The following CTNNA3 variants were observed in gnomAD, a reference collection of about 807,000 sequenced individuals.
The protein encoded by CTNNA3 is catenin alpha-3.
CTNNA3 carries 76 observed loss-of-function variants against 95.7 expected under a neutral mutation model. The observed-to-expected ratio is 0.79, with a 90% CI of 0.66 to 0.96. CTNNA3 has a LOEUF of 0.96. Among genes scored for constraint, CTNNA3 ranks in the 40% least tolerant of loss-of-function variants. The pLI, the probability that CTNNA3 is intolerant of heterozygous loss-of-function variation, is 0.00. For missense variants in CTNNA3, 1,191 were observed against 1,089.8 expected, an observed-to-expected ratio of 1.09 and a Z score of -1.31; for synonymous variants, 431 against 374.4, an observed-to-expected ratio of 1.15 and a Z score of -1.74.
chr10:66,622,929 CACATATA>C (rs1229367990), intron 9 of CTNNA3, among the ~76,000 whole-genome samples: 1 of 152,020 alleles, frequency 6.6e-6, no homozygotes, highest in African/African-American at 2.4e-5. Context: ...GGTTTTCATT[CACATATA>C]ATGAAATAAC....
At position 66,556,057 on chromosome 10, in the gene CTNNA3, C is replaced by T. The variant is rs374080351; in HGVS notation, c.1375-35284G>A. ...AAACAAAAGCAAAAGCATAAGCAAC[C>T]AAATAGACATTTTCCCAAAAAGGCA... On this transcript the variant is annotated intron_variant, in intron 10 of 17. Coordinates refer to ENST00000433211, the MANE Select transcript of CTNNA3 (RefSeq NM_013266.4). Among the ~76,000 whole-genome samples the T allele has an allele frequency of 5.3e-5, 8 of 151,930 alleles. No homozygotes were observed. The East Asian group carries it at 1.2e-3, about 22-fold the overall frequency.
chr10:67,587,551 T>C (rs1842674188), intron 3 of CTNNA3, among the ~76,000 whole-genome samples: 1 of 152,188 alleles, frequency 6.6e-6, no homozygotes, highest in Non-Finnish European at 1.5e-5. Context: ...CTTTTCTGGC[T>C]TGTAAAGTTT....
intron 13 of CTNNA3, among the ~76,000 whole-genome samples, chr10:66,113,979 G>C (rs2082216665): frequency 6.6e-6 from 1 of 151,944 alleles, no homozygotes. Context: ...GTAGTGGGGG[G>C]AATGCTAAAA....
At chr10:66,263,854 T>A (rs2132108956) in intron 13 of CTNNA3, among the ~76,000 whole-genome samples, 1 of 152,092 alleles carries the variant, frequency 6.6e-6, no homozygotes, top group South Asian at 2.1e-4. Context: ...ACATATTTTC[T>A]TGTTATCTTT....
At chr10:67,081,398 G>A (rs1424518418) in intron 7 of CTNNA3, among the ~76,000 whole-genome samples, 2 of 152,112 alleles carry the variant, frequency 1.3e-5, no homozygotes, top group Admixed American at 6.5e-5. Context: ...TACTATTTCA[G>A]GAAACACAAA....
At chr10:67,661,717 CA>C (rs996546399) in intron 1 of CTNNA3, among the ~76,000 whole-genome samples, 5 of 145,978 alleles carry the variant, frequency 3.4e-5, no homozygotes, top group Admixed American at 6.8e-5. Context: ...TTTAAATGGG[CA>C]AAAAAAAAAT....
intron 11 of CTNNA3, among the ~76,000 whole-genome samples, chr10:66,410,777 C>T (rs1018732252): frequency 2.6e-5 from 4 of 152,142 alleles, no homozygotes; most frequent in Non-Finnish European, 4.4e-5. Flanking sequence ...GCTCCATCTG[C>T]CAGAGATGTA....
intron 15 of CTNNA3, among the ~76,000 whole-genome samples, chr10:66,029,009 A>G (rs982746576): frequency 1.3e-5 from 2 of 152,154 alleles, no homozygotes; most frequent in Non-Finnish European, 1.5e-5. Context: ...ACTTTTGAGA[A>G]AAAAAGCTAA....
chr10:67,682,326 C>CAA (rs535935296), intron 1 of CTNNA3, among the ~76,000 whole-genome samples: 7,765 of 116,528 alleles, frequency 0.067, 354 homozygotes, highest in African/African-American at 0.16. Flanking sequence ...GACTCTATCT[C>CAA]AAAAAAAAAA....
At chr10:67,181,843 TA>T (rs1175056144) in intron 6 of CTNNA3, among the ~76,000 whole-genome samples, 1 of 151,364 alleles carries the variant, frequency 6.6e-6, no homozygotes, top group African/African-American at 2.4e-5. Context: ...ACATTTTTTT[TA>T]AAAAAACAGC....
At chr10:66,456,545 A>G (rs1335128218) in intron 11 of CTNNA3, among the ~76,000 whole-genome samples, 1 of 152,028 alleles carries the variant, frequency 6.6e-6, no homozygotes, top group African/African-American at 2.4e-5. Context: ...GCATAGTGGC[A>G]CATGACTGTA....
intron 7 of CTNNA3, among the ~76,000 whole-genome samples, chr10:67,062,707 C>A (rs372504326): frequency 2.0e-5 from 3 of 152,294 alleles, no homozygotes; most frequent in South Asian, 4.1e-4. Flanking sequence ...CTTTTCCCTG[C>A]ATTGCCTGGA....
chr10:67,231,321 G>T (rs1307504138), intron 5 of CTNNA3, among the ~76,000 whole-genome samples: 1 of 152,202 alleles, frequency 6.6e-6, no homozygotes, highest in African/African-American at 2.4e-5. Context: ...CACGCAGCTG[G>T]AGATCTGAGA....
Position 66,413,550 on chromosome 10 carries a change from CAA to C in CTNNA3, c.1532-34200_1532-34199del, listed in dbSNP as rs375166948. Among the ~76,000 whole-genome samples the C allele has an allele frequency of 2.6e-5, 4 of 152,184 alleles. 1 individual carries two copies. The highest frequency in any genetic ancestry group is 9.6e-5 in the African/African-American group (4 of 41,536). On this transcript the variant is annotated intron_variant, in intron 11 of 17. Transcript: ENST00000433211. ...TTAATATTTTGTCACTTTTATAAAA[CAA>C]AATATGGTAACATGGTATTAACTAT...
At chr10:67,318,030 T>A (rs939569163) in intron 5 of CTNNA3, among the ~76,000 whole-genome samples, 2 of 151,094 alleles carry the variant, frequency 1.3e-5, no homozygotes, top group Admixed American at 1.3e-4. Flanking sequence ...TTTTTTTACA[T>A]AAGGAGGGAT....
Position 66,927,921 on chromosome 10 carries a change from G to A in CTNNA3, c.1048-152397C>T. On this transcript the variant is annotated intron_variant, in intron 7 of 17. Transcript: ENST00000433211. This position sits in a 1 kb window ranked among gnomAD's most constrained non-coding sequence, Gnocchi z 4.7. ...TGAAAAGTTTTAAAGGTCTAAGGGAGAATACAATTATCTGTGCCAGTCCCA... is the reference window on the plus strand; with the variant it reads ...TGAAAAGTTTTAAAGGTCTAAGGGAAAATACAATTATCTGTGCCAGTCCCA... The A allele has an allele frequency of 6.2e-7, 1 of 1,614,218 alleles. No homozygotes were observed. The highest frequency in any genetic ancestry group is 8.5e-7 in the Non-Finnish European group (1 of 1,180,046).
At chr10:66,858,420 G>T (rs1327997123) in intron 7 of CTNNA3, among the ~76,000 whole-genome samples, 1 of 152,050 alleles carries the variant, frequency 6.6e-6, no homozygotes, top group African/African-American at 2.4e-5. Context: ...CTCATAGAAT[G>T]AATTAGAGAG....
At chr10:66,783,618 T>G (rs4615912) in intron 7 of CTNNA3, among the ~76,000 whole-genome samples, 1 of 151,920 alleles carries the variant, frequency 6.6e-6, no homozygotes, top group Non-Finnish European at 1.5e-5. Flanking sequence ...TGCTGTCGAT[T>G]ACACTGTGAG....
intron 15 of CTNNA3, among the ~76,000 whole-genome samples, chr10:66,033,613 C>T (rs552838080): frequency 4.6e-5 from 7 of 151,990 alleles, no homozygotes; most frequent in African/African-American, 1.7e-4. Context: ...ACTGAAAGCC[C>T]CCCGAGATCA....
Sources: gnomAD v4.1 joint callset for allele counts (sites outside exome capture counted in the v4.1 genomes callset) on GRCh38, gnomAD v4.1.1 for gene constraint, Gnocchi (gnomAD v3.1) non-coding constraint, MANE v1.5 for transcripts, NCBI Gene and HGNC (gene_info 2026-07-23, HGNC 2026-07-21) for gene names.